Variants in SORL1 observed in about 807,000 individuals in gnomAD.
SORL1 encodes sortilin-related receptor.
SORL1 carries 127 observed loss-of-function variants against 273.7 expected under a neutral mutation model. The observed-to-expected ratio is 0.46, with a 90% CI of 0.40 to 0.54. The LOEUF is 0.54. Ranked by LOEUF, SORL1 falls within the 20% of genes least tolerant of loss-of-function variation. The pLI is 0.00. For missense variants in SORL1, 2,494 were observed against 2,846.1 expected, an observed-to-expected ratio of 0.88 and a Z score of 2.81; for synonymous variants, 1,031 against 1,067.4, an observed-to-expected ratio of 0.97 and a Z score of 0.66.
intron 3 of SORL1, among the ~76,000 whole-genome samples, chr11:121,487,440 C>G (rs1861491680): frequency 6.6e-6 from 1 of 152,228 alleles, no homozygotes; most frequent in Non-Finnish European, 1.5e-5. Flanking sequence ...GAGCTACTTA[C>G]TGCTCTGCCC....
chr11:121,514,062 A>G (rs1216635505), intron 7 of SORL1, 90 bp from the exon 8 acceptor site: 9 of 1,397,890 alleles, frequency 6.4e-6, no homozygotes, highest in Non-Finnish European at 7.8e-6. Context: ...TCGCTAGAAC[A>G]TTTGAAAGTC....
intron 32 of SORL1, among the ~76,000 whole-genome samples, chr11:121,598,576 A>G (rs1863336591): frequency 6.6e-6 from 1 of 152,324 alleles, no homozygotes; most frequent in East Asian, 1.9e-4. Flanking sequence ...ATTTTACTGC[A>G]TTAATTGTCC....
chr11:121,627,772 G>T lies in SORL1; in HGVS notation c.6577+5G>T, dbSNP rs930044824. On this transcript the variant is annotated splice_donor_5th_base_variant and intron_variant, in intron 47 of 47. Coordinates refer to ENST00000260197, the MANE Select transcript of SORL1 (RefSeq NM_003105.6). The surrounding 1 kb of genome is among the most constrained non-coding windows in gnomAD (Gnocchi z 4.9). ...TCTCCTCTGGGGATGACCTGGGTAAGTGGGGCAGGGAGAGTCGGTTCTTCC... is the reference window on the plus strand; with the variant it reads ...TCTCCTCTGGGGATGACCTGGGTAATTGGGGCAGGGAGAGTCGGTTCTTCC... 6.2e-7 allele frequency: 1 copy of T among 1,609,466 alleles called. No individual in the cohort carries two copies. The highest frequency in any genetic ancestry group is 1.3e-5 in the African/African-American group (1 of 74,842).
intron 38 of SORL1, chr11:121,609,095 G>T (rs1361196208): frequency 3.3e-5 from 5 of 152,232 alleles, no homozygotes; most frequent in African/African-American, 1.2e-4. Context: ...TTCCAGAGTG[G>T]TTTTCCTGAC....
chr11:121,600,686 C>T lies in SORL1; in HGVS notation c.4520-3507C>T, dbSNP rs145832604. 5.8e-4 allele frequency among the ~76,000 whole-genome samples: 89 copies of T among 152,276 alleles called. 1 individual carries two copies. The East Asian group carries it at 0.014, about 24-fold the overall frequency. ...TTAAAATCAAGATGTGTTATATCCA[C>T]GGTTTTTTTCCAACATTAATTTGAT... On this transcript the variant is annotated intron_variant, in intron 32 of 47. Coordinates refer to ENST00000260197, the MANE Select transcript of SORL1 (RefSeq NM_003105.6).
At chr11:121,553,818 T>A (rs1565334182) in intron 16 of SORL1, 119 bp from the exon 17 acceptor site, 1 of 954,536 alleles carries the variant, frequency 1.0e-6, no homozygotes, top group East Asian at 2.4e-5. Flanking sequence ...CTTCACTTGG[T>A]CCACACCACA....
At chr11:121,586,693 T>TGGGGGGGGGGGGGGGGGGGGGGGGGGGGG (rs376563096) in intron 27 of SORL1, among the ~76,000 whole-genome samples, 1 of 97,158 alleles carries the variant, frequency 1.0e-5, no homozygotes, top group African/African-American at 3.9e-5. Flanking sequence ...GGGGGTAGAG[T>TGGGGGGGGGGGGGGGGGGGGGGGGGGGGG]GGGGGGGGGG....
Position 121,570,164 on chromosome 11 carries a change from C to G in SORL1, c.3231C>G (p.Thr1077=), listed in dbSNP as rs373348653. ...KNNTCVKQEN[T]CLRNQYRCSN... ...CCGCACTCTGATGGGTAGAGAACAC[C>G]TGTCTTCGCAACCAGTATCGCTGCA... Residue 1077 remains threonine, a synonymous_variant, in exon 23 of 48, where the codon ACC becomes ACG. Transcript: ENST00000260197. 5 of 1,613,082 alleles carry G rather than the reference C, an allele frequency of 3.1e-6. No homozygotes were observed. Among genetic ancestry groups the G allele is most frequent in the Non-Finnish European group, 3.4e-6 (4 of 1,179,096 alleles).
At chr11:121,532,399 G>A (rs1198048405) in intron 11 of SORL1, 65 bp from the exon 12 acceptor site, 3 of 1,433,820 alleles carry the variant, frequency 2.1e-6, no homozygotes, top group East Asian at 4.6e-5. Flanking sequence ...CTGTGGGCAT[G>A]TGTACATGGT....
intron 4 of SORL1, among the ~76,000 whole-genome samples, chr11:121,488,828 A>G (rs961742809): frequency 2.0e-5 from 3 of 152,218 alleles, no homozygotes; most frequent in African/African-American, 4.8e-5. Context: ...TAGATCCTGT[A>G]TGATTGGATT....
chr11:121,578,102 A>G (rs960217359), intron 25 of SORL1, among the ~76,000 whole-genome samples: 7 of 152,192 alleles, frequency 4.6e-5, no homozygotes, highest in African/African-American at 1.4e-4. Context: ...AACAAAAATT[A>G]AGGAATTTTT....
At chr11:121,571,432 A>G (rs965872413) in intron 23 of SORL1, among the ~76,000 whole-genome samples, 2 of 152,378 alleles carry the variant, frequency 1.3e-5, no homozygotes, top group Middle Eastern at 3.4e-3. Flanking sequence ...GGAACCACTG[A>G]TGTCATGTGA....
At chr11:121,608,031 T>C in intron 37 of SORL1, 73 bp from the exon 38 acceptor site, 1 of 1,352,702 alleles carries the variant, frequency 7.4e-7, no homozygotes, top group South Asian at 1.2e-5. Flanking sequence ...CTTTAGCTCA[T>C]TCAGTATTCT....
intron 25 of SORL1, among the ~76,000 whole-genome samples, chr11:121,582,996 C>T (rs1270768054): frequency 2.0e-5 from 3 of 152,326 alleles, no homozygotes; most frequent in Non-Finnish European, 2.9e-5. Flanking sequence ...CAGGCTGCCG[C>T]TCCTTATTTC....
intron 23 of SORL1, 21 bp downstream of exon 23, chr11:121,570,291 G>T (rs758919407): frequency 1.9e-6 from 3 of 1,564,858 alleles, no homozygotes; most frequent in Non-Finnish European, 2.6e-6. Context: ...TGGATTGGAC[G>T]TTAAGCACTT....
At chr11:121,537,014 C>T (rs927036484) in intron 12 of SORL1, among the ~76,000 whole-genome samples, 6 of 152,230 alleles carry the variant, frequency 3.9e-5, no homozygotes, top group South Asian at 4.1e-4. Flanking sequence ...AGAGAGGAAA[C>T]CCCAGCTGAA....
intron 47 of SORL1, 139 bp from the exon 48 acceptor site, chr11:121,629,357 T>G (rs1357078541): frequency 1.6e-6 from 1 of 609,322 alleles, no homozygotes; most frequent in South Asian, 2.1e-5. Flanking sequence ...CACAGCTGAT[T>G]ATGGTGGCTG....
In SORL1 at chr11:121,545,345, C is replaced by T. The variant is rs369728801; in HGVS notation, c.1967C>T (p.Pro656Leu). 2 of 1,614,048 alleles carry T rather than the reference C, an allele frequency of 1.2e-6. No individual in the cohort carries two copies. The highest frequency in any genetic ancestry group is 2.7e-5 in the African/African-American group (2 of 74,914). ...AAGACTGTTTTCAAACGGCGGACCC[C>T]CCATGCCACATGCTTCAATGGAGAG... ...GHKTVFKRRT[P>L]HATCFNGEDF... The change falls in exon 14 of 48, where the codon CCC becomes CTC. Residue 656 changes from proline to leucine, a missense_variant. Transcript: ENST00000260197.
chr11:121,590,777 AG>A, intron 30 of SORL1: 1 of 749,830 alleles, frequency 1.3e-6, no homozygotes, highest in Non-Finnish European at 2.4e-6. Flanking sequence ...AATCAAATAT[AG>A]TAAGGGAAAT....
Sources: allele counts gnomAD v4.1 joint callset (sites outside exome capture counted in the v4.1 genomes callset), GRCh38; gene constraint gnomAD v4.1.1; non-coding constraint Gnocchi (gnomAD v3.1); transcripts MANE v1.5; gene names NCBI Gene and HGNC (gene_info 2026-07-23, HGNC 2026-07-21).